VCL: variants seen among roughly 807,000 people sequenced by gnomAD.
VCL encodes the protein vinculin.
Under a neutral mutation model 125.7 loss-of-function variants are expected in VCL, and 47 were observed. The ratio of observed to expected loss-of-function variants is 0.37; its 90% CI spans 0.30 to 0.48. VCL has a LOEUF of 0.48. Among genes scored for constraint, VCL ranks in the 20% least tolerant of loss-of-function variants. The probability of loss-of-function intolerance (pLI) is 0.99; values close to 1 mark genes in which losing one functional copy is unlikely to be tolerated. For missense variants in VCL, 1,069 were observed against 1,455.5 expected (o/e 0.73, Z 4.32); for synonymous variants, 458 against 514.6 (o/e 0.89, Z 1.49).
At chr10:74,028,248 T>G (rs1840810450) in intron 1 of VCL, among the ~76,000 whole-genome samples, 4 of 151,926 alleles carry the variant, frequency 2.6e-5, no homozygotes, top group Admixed American at 2.6e-4. Context: ...GTTAATTTTT[T>G]ATTTTTTTTA....
At position 74,094,257 on chromosome 10, in the gene VCL, CTT is replaced by C. The variant is rs745850822; in HGVS notation, c.1353-10_1353-9del. The C allele has an allele frequency of 1.4e-5, 23 of 1,613,996 alleles. No individual in the cohort carries two copies. In the Admixed American group the frequency reaches 3.3e-4, roughly 23 times the overall value. ...TGTTTATGTGTGACAGGATGGCTGTCTTTTTCTCTGTAGGGGGAAAGGAGATT... is the reference window on the plus strand; with the variant it reads ...TGTTTATGTGTGACAGGATGGCTGTCTTTCTCTGTAGGGGGAAAGGAGATT... On this transcript the variant is annotated splice_polypyrimidine_tract_variant and intron_variant, in intron 10 of 21. Coordinates refer to ENST00000211998, the MANE Select transcript of VCL (RefSeq NM_014000.3).
intron 2 of VCL, among the ~76,000 whole-genome samples, chr10:74,060,667 A>AG (rs1841466187): frequency 2.0e-5 from 3 of 151,322 alleles, no homozygotes; most frequent in South Asian, 2.1e-4. Context: ...AAAAAAAAAA[A>AG]AAAAAGAAAA....
chr10:74,023,200 ACC>A (rs1840705301), intron 1 of VCL, among the ~76,000 whole-genome samples: 1 of 152,212 alleles, frequency 6.6e-6, no homozygotes, highest in Non-Finnish European at 1.5e-5. Context: ...TGATGATGGT[ACC>A]ATAAGATAAT....
At chr10:74,074,977 T>C in intron 6 of VCL, 74 bp downstream of exon 6, 13 of 1,573,602 alleles carry the variant, frequency 8.3e-6, no homozygotes, top group Non-Finnish European at 1.1e-5. Context: ...GGCACCTGTC[T>C]CATACTTTAT....
At chr10:74,098,025 G>T (rs1839998014) in intron 13 of VCL, among the ~76,000 whole-genome samples, 1 of 152,196 alleles carries the variant, frequency 6.6e-6, no homozygotes, top group Non-Finnish European at 1.5e-5. Context: ...GCTCCTGTGA[G>T]CTGGCACGAG....
intron 2 of VCL, among the ~76,000 whole-genome samples, chr10:74,057,689 T>C (rs1455047904): frequency 1.3e-5 from 2 of 152,174 alleles, no homozygotes; most frequent in African/African-American, 4.8e-5. Context: ...CCCAGCACTT[T>C]GGGAGGCTGA....
intron 2 of VCL, among the ~76,000 whole-genome samples, chr10:74,053,988 C>G (rs1026437151): frequency 6.6e-6 from 1 of 151,580 alleles, no homozygotes; most frequent in South Asian, 2.1e-4. Context: ...TGTTATATTT[C>G]TAATATAATT....
chr10:74,100,094 G>C (rs1472256947), intron 13 of VCL, among the ~76,000 whole-genome samples: 2 of 152,222 alleles, frequency 1.3e-5, no homozygotes, highest in Non-Finnish European at 2.9e-5. Flanking sequence ...GGAAGCATCA[G>C]TTCTAATAAT....
intron 1 of VCL, among the ~76,000 whole-genome samples, chr10:74,031,867 C>T (rs1840878990): frequency 6.6e-6 from 1 of 151,850 alleles, no homozygotes; most frequent in African/African-American, 2.4e-5. Flanking sequence ...GAGTTCCAGA[C>T]CAGCCTGACC....
At chr10:74,020,397 A>G (rs938430164) in intron 1 of VCL, among the ~76,000 whole-genome samples, 5 of 152,350 alleles carry the variant, frequency 3.3e-5, no homozygotes, top group Admixed American at 6.5e-5. Context: ...GGATCCACCT[A>G]GAGAGATGCT....
At chr10:74,029,533 A>C (rs930109067) in intron 1 of VCL, among the ~76,000 whole-genome samples, 2 of 152,170 alleles carry the variant, frequency 1.3e-5, no homozygotes, top group Admixed American at 1.3e-4. Context: ...TGTAGCCTTA[A>C]CTGACAGACT....
At chr10:74,100,876 T>C (rs1840041696) in intron 13 of VCL, 72 bp from the exon 14 acceptor site, 2 of 1,585,584 alleles carry the variant, frequency 1.3e-6, no homozygotes, top group Non-Finnish European at 1.7e-6. Flanking sequence ...TCTTAAAGGA[T>C]GAAACTTTTT....
chr10:74,083,460 AACTTGCAAAATGCT>A lies in VCL; in HGVS notation c.971_984del (p.Thr324ArgfsTer5). On this transcript the variant is annotated frameshift_variant, in exon 8 of 22. Transcript: ENST00000211998. LOFTEE classifies it high-confidence loss of function. ...GCAAAGAACGCAGGGAGATTCTGGG[AACTTGCAAAATGCT>A]AGGGCAGATGACTGATCAAGTGGCT... is the stretch of plus-strand genomic sequence containing the variant. 6.2e-7 allele frequency: 1 copy of A among 1,614,098 alleles called. No individual in the cohort carries two copies. The highest frequency in any genetic ancestry group is 8.5e-7 in the Non-Finnish European group (1 of 1,179,972).
intron 6 of VCL, chr10:74,076,526 G>A (rs1411899932): frequency 6.5e-6 from 1 of 152,726 alleles, no homozygotes; most frequent in East Asian, 1.9e-4. Context: ...TGCTATCTCT[G>A]TACCTGCCTC....
chr10:74,082,626 A>G, intron 7 of VCL, 82 bp downstream of exon 7: 1 of 1,400,804 alleles, frequency 7.1e-7, no homozygotes, highest in Admixed American at 1.8e-5. Context: ...TTTTCCCATA[A>G]TCTCATCATC....
chr10:74,111,167 G>A (rs372423791), intron 18 of VCL, among the ~76,000 whole-genome samples: 1 of 152,188 alleles, frequency 6.6e-6, no homozygotes, highest in South Asian at 2.1e-4. Context: ...ATAGAGAGCT[G>A]GTCTGATGTG....
At chr10:74,026,884 T>G (rs1840780825) in intron 1 of VCL, among the ~76,000 whole-genome samples, 1 of 152,172 alleles carries the variant, frequency 6.6e-6, no homozygotes, top group East Asian at 1.9e-4. Flanking sequence ...TTTCCTAACA[T>G]GAAAATGGGT....
At position 74,107,262 on chromosome 10, in the gene VCL, C is replaced by G; in HGVS notation, c.2467C>G (p.Arg823Gly). 1 of 1,614,176 alleles carries G rather than the reference C, an allele frequency of 6.2e-7. No individual in the cohort carries two copies. The highest frequency in any genetic ancestry group is 8.5e-7 in the Non-Finnish European group (1 of 1,180,036). Residue 823 changes from arginine to glycine, a missense_variant, in exon 17 of 22, where the codon CGG becomes GGG. Physicochemically the swap from Arg to Gly is moderately radical, Grantham distance 125. Coordinates refer to ENST00000211998, the MANE Select transcript of VCL (RefSeq NM_014000.3). The stretch of plus-strand genomic sequence containing the variant: ...AAAGAGCTTCCTGGACTCAGGATAT[C>G]GGATCCTGGGAGCTGTGGCCAAGGT... ...LQKSFLDSGY[R>G]ILGAVAKVRE... is the part of the protein sequence containing the mutation.
intron 2 of VCL, among the ~76,000 whole-genome samples, chr10:74,044,660 G>A (rs937325295): frequency 2.6e-5 from 4 of 152,088 alleles, no homozygotes; most frequent in East Asian, 3.8e-4. Context: ...TTCCACTGTC[G>A]GGTATGTTCC....
Sources: allele counts gnomAD v4.1 joint callset (sites outside exome capture counted in the v4.1 genomes callset), GRCh38; gene constraint gnomAD v4.1.1; transcripts MANE v1.5; gene names NCBI Gene and HGNC (gene_info 2026-07-23, HGNC 2026-07-21).